RBM45: variants seen among roughly 807,000 people sequenced by gnomAD.
RBM45 encodes RNA binding motif protein 45.
In RBM45, 39 loss-of-function variants were observed where a neutral mutation model predicts 58.5. The ratio of observed to expected loss-of-function variants is 0.67; its 90% CI spans 0.52 to 0.87. The LOEUF (loss-of-function observed/expected upper bound fraction) is 0.87. Among genes scored for constraint, RBM45 ranks in the 40% least tolerant of loss-of-function variants. The probability of loss-of-function intolerance (pLI) is 0.00; values close to 1 mark genes in which losing one functional copy is unlikely to be tolerated. For missense variants in RBM45, 481 were observed against 581.6 expected (o/e 0.83, Z 1.78); for synonymous variants, 193 against 203.0 (o/e 0.95, Z 0.42).
At position 178,112,758 on chromosome 2, in the gene RBM45, T is replaced by A; in HGVS notation, c.212T>A (p.Val71Asp). The change falls in exon 1 of 10, where the codon GTC (valine) becomes GAC (aspartate). Residue 71 changes from valine to aspartate, a missense_variant. Transcript: ENST00000286070. ...AAGGAGTCCAAGGGCATTGCTTTCG[T>A]CAAGTTCGCCCGCAGCTCACAGGCC... Reference protein sequence around the residue: ...HTKESKGIAFVKFARSSQACR... With the variant: ...HTKESKGIAFDKFARSSQACR... 1 of 1,613,992 alleles carries A rather than the reference T, an allele frequency of 6.2e-7. No individual in the cohort carries two copies.
downstream of RBM45, among the ~76,000 whole-genome samples, chr2:178,130,978 G>A (rs558720706): frequency 2.6e-5 from 4 of 152,320 alleles, no homozygotes; most frequent in South Asian, 6.2e-4. Flanking sequence ...GTGCAGTGGC[G>A]CGACTGTAGT....
chr2:178,115,566 A>G (rs2087760218), intron 1 of RBM45, among the ~76,000 whole-genome samples: 1 of 152,192 alleles, frequency 6.6e-6, no homozygotes, highest in Non-Finnish European at 1.5e-5. Context: ...ATAAAGGGAT[A>G]TGTCTCTAAC....
intron 8 of RBM45, among the ~76,000 whole-genome samples, chr2:178,125,527 G>T (rs1478601715): frequency 2.0e-5 from 3 of 152,150 alleles, no homozygotes; most frequent in Non-Finnish European, 4.4e-5. Flanking sequence ...TAAAAGAAGG[G>T]CTGTTAAATA....
exon 4 of RBM45, chr2:178,136,833 CACTT>C (rs1017540820): frequency 2.6e-5 from 4 of 152,274 alleles, no homozygotes; most frequent in Admixed American, 1.3e-4. Flanking sequence ...ATTATATCAG[CACTT>C]ACTTAAGTAA....
chr2:178,121,736 A>G (rs2087855902), intron 5 of RBM45, among the ~76,000 whole-genome samples: 1 of 152,032 alleles, frequency 6.6e-6, no homozygotes, highest in Non-Finnish European at 1.5e-5. Context: ...AAGTTACGAA[A>G]CTCACAAAAT....
chr2:178,127,183 A>G (rs1336259070), intron 9 of RBM45, among the ~76,000 whole-genome samples: 1 of 152,100 alleles, frequency 6.6e-6, no homozygotes, highest in Non-Finnish European at 1.5e-5. Flanking sequence ...TCGGCCTCCC[A>G]AAGTGCTGGG....
intron 1 of RBM45, among the ~76,000 whole-genome samples, chr2:178,113,788 A>G (rs1003714525): frequency 6.6e-6 from 1 of 152,224 alleles, no homozygotes; most frequent in Non-Finnish European, 1.5e-5. Flanking sequence ...CGTCTGCCCC[A>G]TGTAAATAGT....
chr2:178,126,958 G>A (rs370789407), intron 9 of RBM45, among the ~76,000 whole-genome samples: 159 of 151,270 alleles, frequency 1.1e-3, no homozygotes, highest in African/African-American at 3.8e-3. Context: ...TTTTTCCCCC[G>A]AGACGTCTCG....
intron 1 of RBM45, 110 bp downstream of exon 1, chr2:178,112,956 C>T (rs907061437): frequency 1.0e-5 from 12 of 1,173,056 alleles, no homozygotes; most frequent in African/African-American, 1.5e-5. Flanking sequence ...CCGTTCCCGG[C>T]AGCTGACCAG....
chr2:178,131,077 C>T (rs772274927), downstream of RBM45, among the ~76,000 whole-genome samples: 5 of 152,164 alleles, frequency 3.3e-5, no homozygotes, highest in Non-Finnish European at 7.3e-5. Context: ...TGTGAATAGC[C>T]ACTGTCCTCT....
At chr2:178,130,688 A>G (rs887147566), downstream of RBM45, among the ~76,000 whole-genome samples, 12 of 152,240 alleles carry the variant, frequency 7.9e-5, no homozygotes, top group African/African-American at 2.7e-4. Flanking sequence ...GGTATTATAA[A>G]TGACATGCAT....
intron 1 of RBM45, 73 bp downstream of exon 1, chr2:178,112,919 T>C: frequency 6.8e-7 from 1 of 1,479,106 alleles, no homozygotes; most frequent in Non-Finnish European, 9.2e-7. Flanking sequence ...CCTGCTGCTC[T>C]GCCGGGGTGA....
chr2:178,113,102 G>A (rs2087727482), intron 1 of RBM45, among the ~76,000 whole-genome samples: 1 of 152,134 alleles, frequency 6.6e-6, no homozygotes, highest in African/African-American at 2.4e-5. Flanking sequence ...GCGGCCACCG[G>A]GTGACAGAAC....
exon 4 of RBM45, chr2:178,138,142 C>G (rs192572856): frequency 7.4e-4 from 112 of 152,246 alleles, no homozygotes; most frequent in African/African-American, 2.4e-3. Context: ...CCTGTGGGTT[C>G]TCATGAGTCC....
rs145011008 is a variant in RBM45 at position 178,126,053 on chromosome 2, T to C, written c.1302T>C (p.Asp434=). The change falls in exon 9 of 10, where the codon GAT becomes GAC. Residue 434 remains aspartate, a synonymous_variant. Transcript: ENST00000286070. ...ATGTGGGGTATGCCAAGTATGCCGA[T>C]AGAATAAGTGCTAATGATGCCATTG... ...GKNVGYAKYA[D]RISANDAIAT... 1,465 of 1,613,920 alleles carry C rather than the reference T, an allele frequency of 9.1e-4. 1 individual carries two copies. Among genetic ancestry groups the C allele is most frequent in the Middle Eastern group, 5.8e-3 (35 of 6,062 alleles).
Position 178,112,840 on chromosome 2 carries a change from C to T in RBM45, c.294C>T (p.Pro98=). The change falls in exon 1 of 10, where the codon CCC becomes CCT. Residue 98 remains proline, a synonymous_variant. Coordinates refer to ENST00000286070, the MANE Select transcript of RBM45 (RefSeq NM_152945.4). ...GCCTCGGCCCCAACGACACCAAGCC[C>T]ATCAAGGTGCGGGTGCCCGGGTCGG... is the stretch of plus-strand genomic sequence containing the variant. ...GQCLGPNDTK[P]IKVFIAQSRS... The T allele has an allele frequency of 6.2e-7, 1 of 1,602,842 alleles. No homozygotes were observed. The highest frequency in any genetic ancestry group is 8.5e-7 in the Non-Finnish European group (1 of 1,170,992).
chr2:178,131,289 A>G (rs1000719747), downstream of RBM45, among the ~76,000 whole-genome samples: 2 of 152,344 alleles, frequency 1.3e-5, no homozygotes, highest in Admixed American at 1.3e-4. Flanking sequence ...AATTATCTCA[A>G]AAATATTTCT....
chr2:178,131,999 C>T (rs1290983926), downstream of RBM45, among the ~76,000 whole-genome samples: 1 of 152,086 alleles, frequency 6.6e-6, no homozygotes, highest in Non-Finnish European at 1.5e-5. Flanking sequence ...CTTGGATGCC[C>T]AGCAAATGTT....
chr2:178,112,875 G>A (rs545087708), intron 1 of RBM45, 29 bp downstream of exon 1: 2 of 1,592,940 alleles, frequency 1.3e-6, no homozygotes, highest in South Asian at 1.1e-5. Context: ...GGGTGCCCTC[G>A]GGGGAAGGAG....
Sources: gnomAD v4.1 joint callset for allele counts (sites outside exome capture counted in the v4.1 genomes callset) on GRCh38, gnomAD v4.1.1 for gene constraint, MANE v1.5 for transcripts, NCBI Gene and HGNC (gene_info 2026-07-23, HGNC 2026-07-21) for gene names.